GDAP2: variants seen among roughly 807,000 people sequenced by gnomAD.
GDAP2 encodes the protein ganglioside induced differentiation associated protein 2.
Under a neutral mutation model 67.0 loss-of-function variants are expected in GDAP2, and 51 were observed. That is an observed-to-expected ratio of 0.76 (90% CI 0.61 to 0.96). GDAP2 has a LOEUF of 0.96. Among genes scored for constraint, GDAP2 ranks in the 40% least tolerant of loss-of-function variants. The pLI, the probability that GDAP2 is intolerant of heterozygous loss-of-function variation, is 0.00. For synonymous variants in GDAP2, 203 were observed against 207.3 expected (o/e 0.98, Z 0.18); for missense variants, 547 against 588.3 (o/e 0.93, Z 0.73).
intron 1 of GDAP2, among the ~76,000 whole-genome samples, chr1:117,928,680 T>C (rs1159364301): frequency 2.0e-5 from 3 of 152,232 alleles, no homozygotes; most frequent in African/African-American, 7.2e-5. Context: ...CAGGAAACTC[T>C]AAAGAAAATC....
chr1:117,891,488 A>C (rs1352280427), intron 8 of GDAP2, among the ~76,000 whole-genome samples: 16 of 152,048 alleles, frequency 1.1e-4, no homozygotes, highest in Admixed American at 1.0e-3. Flanking sequence ...AGAAATGGTA[A>C]AGCATTTCTC....
chr1:117,911,745 T>C (rs932523694), intron 5 of GDAP2, among the ~76,000 whole-genome samples: 11 of 151,604 alleles, frequency 7.3e-5, no homozygotes, highest in Non-Finnish European at 1.2e-4. Flanking sequence ...GCTGTAACTA[T>C]TTAATGATTA....
At chr1:117,924,546 C>T (rs188314183) in intron 1 of GDAP2, among the ~76,000 whole-genome samples, 33 of 152,246 alleles carry the variant, frequency 2.2e-4, no homozygotes, top group African/African-American at 7.0e-4. Flanking sequence ...CAATACATTC[C>T]GTGATGTTTC....
At chr1:117,877,675 T>C in intron 13 of GDAP2, 29 of 1,033,814 alleles carry the variant, frequency 2.8e-5, no homozygotes, top group Non-Finnish European at 3.4e-5. Context: ...TGGCTCTGTG[T>C]AGATGGAAAG....
Position 117,897,276 on chromosome 1 carries a change from C to T in GDAP2, c.797-287G>A, listed in dbSNP as rs141442373. The stretch of plus-strand genomic sequence containing the variant: ...TAGAATGTAGTCACACACAAAAAGA[C>T]AGAAGTAAATAGATTGTATCTGGCT... On this transcript the variant is annotated intron_variant, in intron 7 of 13. Coordinates refer to ENST00000369443, the MANE Select transcript of GDAP2 (RefSeq NM_017686.4). Among the ~76,000 whole-genome samples the T allele has an allele frequency of 3.7e-4, 56 of 152,306 alleles. No individual in the cohort carries two copies. In the East Asian group the frequency reaches 3.8e-3, roughly 10 times the overall value.
In GDAP2 at chr1:117,896,967, T is replaced by C; in HGVS notation, c.819A>G (p.Glu273=). The change falls in exon 8 of 14, where the codon GAA becomes GAG. Residue 273 remains glutamate (E), a synonymous_variant. Transcript: ENST00000369443. ...APEDNQEEED[E]GLGVDLSFIG... ...TGAAAGAGAGATCAACTCCCAAGCC[T>C]TCATCCTCCTCTTCTTGGTTATCTG... 6.2e-7 allele frequency: 1 copy of C among 1,606,916 alleles called. No individual in the cohort carries two copies. The highest frequency in any genetic ancestry group is 8.5e-7 in the Non-Finnish European group (1 of 1,176,052).
chr1:117,917,342 C>A (rs1650083911), intron 3 of GDAP2, among the ~76,000 whole-genome samples: 1 of 151,972 alleles, frequency 6.6e-6, no homozygotes, highest in African/African-American at 2.4e-5. Flanking sequence ...AGTATGCAGC[C>A]CTTTAGTAAT....
chr1:117,873,606 G>A lies in GDAP2; in HGVS notation c.1447-2990C>T, dbSNP rs1648361312. On this transcript the variant is annotated intron_variant, in intron 13 of 13. Coordinates refer to ENST00000369443, the MANE Select transcript of GDAP2 (RefSeq NM_017686.4). ...ACAAGGTAACATGCAGCTACCTACT[G>A]GTATCTCCATTTCAATGACTGATGG... Among the ~76,000 whole-genome samples, 3 of 151,930 alleles carry A rather than the reference G, an allele frequency of 2.0e-5. No homozygotes were observed. In the South Asian group the frequency reaches 6.2e-4, roughly 32 times the overall value.
chr1:117,890,794 A>G (rs887287622), intron 8 of GDAP2, among the ~76,000 whole-genome samples: 14 of 152,080 alleles, frequency 9.2e-5, no homozygotes, highest in African/African-American at 3.4e-4. Flanking sequence ...AAAGCTTATC[A>G]TGCTGTATGT....
chr1:117,878,223 A>T, intron 12 of GDAP2, 71 bp from the exon 13 acceptor site: 2 of 742,502 alleles, frequency 2.7e-6, no homozygotes, highest in Non-Finnish European at 4.4e-6. Context: ...AATTTGGAAA[A>T]TTTATAGTAG....
Position 117,881,945 on chromosome 1 carries a change from G to C in GDAP2, c.1248-68C>G, listed in dbSNP as rs77511956. Reference sequence around the variant, plus strand: ...ATGCCTAAAACCAATTACTATTATAGACTATTAACTATTTGCCTGAGTATA... The same window carrying C: ...ATGCCTAAAACCAATTACTATTATACACTATTAACTATTTGCCTGAGTATA... On this transcript the variant is annotated intron_variant, in intron 11 of 13. Transcript: ENST00000369443. 753 of 813,198 alleles carry C rather than the reference G, an allele frequency of 9.3e-4. 4 individuals are homozygous for C. In the African/African-American group the frequency reaches 0.012, roughly 13 times the overall value. The allele number at this position is 813,198 out of a possible 1,614,324, so 50.4% of individuals were successfully genotyped here.
chr1:117,920,431 G>C lies in GDAP2; in HGVS notation c.-67-7C>G. On this transcript the variant is annotated splice_polypyrimidine_tract_variant and splice_region_variant and intron_variant, in intron 1 of 13. Transcript: ENST00000369443. ...TATTCACTGGAGACTTTAGCTTTAA[G>C]AGAAAAGAAAGAATCACTTTAATAG... The C allele has an allele frequency of 1.1e-6, 1 of 925,164 alleles. No individual in the cohort carries two copies. The highest frequency in any genetic ancestry group is 1.7e-6 in the Non-Finnish European group (1 of 602,574). 57.3% of individuals were successfully genotyped at this position (925,164 alleles called of 1,614,324 possible). A position where few individuals can be genotyped will look rare whatever the true frequency, so the allele number is the denominator to read the frequency against.
Position 117,920,340 on chromosome 1 carries a change from T to C in GDAP2, c.18A>G (p.Ala6=), listed in dbSNP as rs763255057. The change falls in exon 2 of 14, where the codon GCA becomes GCG. Residue 6 remains alanine (A), a synonymous_variant. Transcript: ENST00000369443. ...TATCCACATCCACAAACTGGGAAGG[T>C]GCACCTAAGGGATCCATGGAATGGG... MDPLG[A]PSQFVDVDTL... 2 of 1,604,028 alleles carry C rather than the reference T, an allele frequency of 1.2e-6. No homozygotes were observed. Among genetic ancestry groups the C allele is most frequent in the Non-Finnish European group, 1.7e-6 (2 of 1,175,764 alleles).
At chr1:117,871,291 T>C (rs559112729) in intron 13 of GDAP2, among the ~76,000 whole-genome samples, 1 of 152,166 alleles carries the variant, frequency 6.6e-6, no homozygotes, top group South Asian at 2.1e-4. Context: ...AACAAATTAG[T>C]GCAAGGGGGA....
At chr1:117,877,965 TA>T in intron 13 of GDAP2, 43 bp downstream of exon 13, 1 of 1,610,120 alleles carries the variant, frequency 6.2e-7, no homozygotes, top group Non-Finnish European at 8.5e-7. Context: ...ATAGAACAGT[TA>T]ATATACCATA....
chr1:117,928,515 G>T (rs1451387734), intron 1 of GDAP2, among the ~76,000 whole-genome samples: 1 of 152,128 alleles, frequency 6.6e-6, no homozygotes, highest in Admixed American at 6.6e-5. Flanking sequence ...ATAATAGTTT[G>T]TGGCCACAAT....
intron 8 of GDAP2, among the ~76,000 whole-genome samples, chr1:117,893,022 C>T (rs1211483545): frequency 6.6e-6 from 1 of 152,118 alleles, no homozygotes; most frequent in African/African-American, 2.4e-5. Context: ...ACCCTAAGCT[C>T]CATGCAGGCG....
Position 117,896,963 on chromosome 1 carries a change from A to G in GDAP2, c.823T>C (p.Leu275=), listed in dbSNP as rs775016140. 1 of 1,609,900 alleles carries G rather than the reference A, an allele frequency of 6.2e-7. No individual in the cohort carries two copies. The highest frequency in any genetic ancestry group is 8.5e-7 in the Non-Finnish European group (1 of 1,177,568). Residue 275 remains leucine, a synonymous_variant, in exon 8 of 14, where the codon TTG becomes CTG. Transcript: ENST00000369443. ...CCAATGAAAGAGAGATCAACTCCCA[A>G]GCCTTCATCCTCCTCTTCTTGGTTA... is the stretch of plus-strand genomic sequence containing the variant. ...EDNQEEEDEG[L]GVDLSFIGSH...
chr1:117,904,327 T>G (rs1408330610), intron 6 of GDAP2, among the ~76,000 whole-genome samples: 1 of 152,170 alleles, frequency 6.6e-6, no homozygotes, highest in Non-Finnish European at 1.5e-5. Flanking sequence ...ATTCAGTCAT[T>G]CAACAGGAAG....
Sources: gnomAD v4.1 joint callset for allele counts (sites outside exome capture counted in the v4.1 genomes callset) on GRCh38, gnomAD v4.1.1 for gene constraint, MANE v1.5 for transcripts, NCBI Gene and HGNC (gene_info 2026-07-23, HGNC 2026-07-21) for gene names.